Variants in PSAT1 observed in about 807,000 individuals in gnomAD.
PSAT1 encodes the protein phosphoserine aminotransferase 1.
In PSAT1, 41 loss-of-function variants were observed where a neutral mutation model predicts 40.3. The observed-to-expected ratio is 1.02, with a 90% CI of 0.79 to 1.32. The LOEUF (loss-of-function observed/expected upper bound fraction) is 1.32. PSAT1 is among the 40% of genes most tolerant of loss of function. The pLI is 0.00. For missense variants in PSAT1, 406 were observed against 455.8 expected (o/e 0.89, Z 0.99); for synonymous variants, 147 against 170.5 (o/e 0.86, Z 1.07).
intron 5 of PSAT1, among the ~76,000 whole-genome samples, chr9:78,307,194 CCT>C (rs1828196886): frequency 6.6e-6 from 1 of 152,168 alleles, no homozygotes; most frequent in Admixed American, 6.5e-5. Context: ...ACACTAACTC[CCT>C]CTCTCCCCAC....
In PSAT1 at chr9:78,308,669, T is replaced by C. The variant is rs375384058; in HGVS notation, c.740+86T>C. ...GGAGGTTACATTTTAAAATAAAACA[T>C]GTAAGCCTGGGCGCGGTGGCTCACA... On this transcript the variant is annotated intron_variant, in intron 6 of 8. Transcript: ENST00000376588. The C allele has an allele frequency of 2.1e-5, 32 of 1,529,930 alleles. No individual in the cohort carries two copies. The East Asian group carries it at 2.3e-4, about 11-fold the overall frequency. 94.8% of individuals were successfully genotyped at this position (1,529,930 alleles called of 1,614,324 possible). A position where few individuals can be genotyped will look rare whatever the true frequency, so the allele number is the denominator to read the frequency against.
At chr9:78,325,562 C>T (rs561687872) in intron 7 of PSAT1, among the ~76,000 whole-genome samples, 4 of 152,342 alleles carry the variant, frequency 2.6e-5, no homozygotes, top group African/African-American at 7.2e-5. Context: ...GGAACCATGC[C>T]TTGTCCCCTC....
At chr9:78,324,023 G>A (rs1330313797) in intron 7 of PSAT1, among the ~76,000 whole-genome samples, 2 of 152,090 alleles carry the variant, frequency 1.3e-5, no homozygotes, top group East Asian at 3.9e-4. Flanking sequence ...TGGGATGGGT[G>A]TCCCTGGCTG....
intron 4 of PSAT1, among the ~76,000 whole-genome samples, 196 bp from the exon 5 acceptor site, chr9:78,306,118 G>A (rs999904687): frequency 2.0e-5 from 3 of 152,172 alleles, no homozygotes; most frequent in Admixed American, 1.3e-4. Flanking sequence ...AGGTTGGATC[G>A]CTCATCCTCT....
At chr9:78,300,732 T>TA in intron 2 of PSAT1, 70 bp downstream of exon 2, 1 of 1,391,090 alleles carries the variant, frequency 7.2e-7, no homozygotes, top group Admixed American at 2.7e-5. Context: ...TTTTTTTTTT[T>TA]AGAGGCAGGG....
Position 78,301,885 on chromosome 9 carries a change from G to A in PSAT1, c.122-69G>A, listed in dbSNP as rs114600252. ...GTATTGTTGTTTACTTGCAAATTTC[G>A]TAGGTATTTCTGTTCATTTGGTTTT... On this transcript the variant is annotated intron_variant, in intron 2 of 8. Coordinates refer to ENST00000376588, the MANE Select transcript of PSAT1 (RefSeq NM_058179.4). 3,471 of 1,222,348 alleles carry A rather than the reference G, an allele frequency of 2.8e-3. 61 individuals are homozygous for A. The African/African-American group carries it at 0.041, about 14-fold the overall frequency. The allele number at this position is 1,222,348 out of a possible 1,614,324, so 75.7% of individuals were successfully genotyped here.
chr9:78,312,304 A>G (rs1243558642), intron 6 of PSAT1, among the ~76,000 whole-genome samples: 1 of 152,192 alleles, frequency 6.6e-6, no homozygotes, highest in Non-Finnish European at 1.5e-5. Flanking sequence ...TGACTAACTG[A>G]ATACACAAGC....
intron 6 of PSAT1, among the ~76,000 whole-genome samples, chr9:78,315,489 T>G (rs1047992465): frequency 4.4e-4 from 67 of 152,246 alleles, no homozygotes; most frequent in African/African-American, 1.6e-3. Flanking sequence ...TCCCTCTGAC[T>G]TCTTGGACGT....
chr9:78,303,734 C>T (rs184559062), intron 3 of PSAT1, among the ~76,000 whole-genome samples: 1 of 152,302 alleles, frequency 6.6e-6, no homozygotes, highest in African/African-American at 2.4e-5. Context: ...GATATTTACA[C>T]TCCTACCACC....
chr9:78,329,510 G>C lies in PSAT1; in HGVS notation c.*424G>C. On this transcript the variant is annotated 3_prime_UTR_variant, in exon 9 of 9. Coordinates refer to ENST00000376588, the MANE Select transcript of PSAT1 (RefSeq NM_058179.4). ...TCTGTGGGGTCTCCTGGGTTCAGCG[G>C]CTGTTGATTCAAGGTCAACATTGAC... The C allele has an allele frequency of 4.3e-6, 1 of 235,082 alleles. No individual in the cohort carries two copies. The highest frequency in any genetic ancestry group is 1.1e-4 in the East Asian group (1 of 8,790). The allele number at this position is 235,082 out of a possible 1,614,324, so 14.6% of individuals were successfully genotyped here. A position where few individuals can be genotyped will look rare whatever the true frequency, so the allele number is the denominator to read the frequency against.
chr9:78,309,536 T>C (rs1280573592), intron 6 of PSAT1, among the ~76,000 whole-genome samples: 1 of 152,228 alleles, frequency 6.6e-6, no homozygotes, highest in Non-Finnish European at 1.5e-5. Context: ...CTAATTTTTG[T>C]ATTTTTAGTA....
chr9:78,316,047 T>C (rs1828338664), intron 6 of PSAT1, among the ~76,000 whole-genome samples: 1 of 152,230 alleles, frequency 6.6e-6, no homozygotes, highest in African/African-American at 2.4e-5. Flanking sequence ...CCTCTCCTCC[T>C]GTGCCCTGAG....
At position 78,329,118 on chromosome 9, in the gene PSAT1, G is replaced by C; in HGVS notation, c.*32G>C. On this transcript the variant is annotated 3_prime_UTR_variant, in exon 9 of 9. Coordinates refer to ENST00000376588, the MANE Select transcript of PSAT1 (RefSeq NM_058179.4). ...CCTAACCAGGATATACTCTGTTCTT[G>C]AACAACATACAAAGTTTAAAGTAAC... is the stretch of plus-strand genomic sequence containing the variant. The C allele has an allele frequency of 6.8e-7, 1 of 1,470,670 alleles. No homozygotes were observed. Among genetic ancestry groups the C allele is most frequent in the Non-Finnish European group, 9.5e-7 (1 of 1,051,178 alleles). The allele number at this position is 1,470,670 out of a possible 1,614,324, so 91.1% of individuals were successfully genotyped here.
chr9:78,300,660 T>C lies in PSAT1; in HGVS notation c.119T>C (p.Leu40Pro). 1.2e-6 allele frequency: 2 copies of C among 1,606,580 alleles called. No homozygotes were observed. Among genetic ancestry groups the C allele is most frequent in the African/African-American group, 1.3e-5 (1 of 74,540 alleles). The change falls in exon 2 of 9, where the codon CTT (leucine) becomes CCT (proline). Residue 40 changes from leucine to proline, a missense_variant and splice_region_variant. Coordinates refer to ENST00000376588, the MANE Select transcript of PSAT1 (RefSeq NM_058179.4). The part of the protein sequence containing the change: ...LDYKGVGISV[L>P]EMSHRSSDFA... Reference sequence around the variant, plus strand: ...TACAAAGGAGTTGGCATTAGTGTTCTTGGTAAGATTTACTTTTGAATTCTG... The same window carrying C: ...TACAAAGGAGTTGGCATTAGTGTTCCTGGTAAGATTTACTTTTGAATTCTG...
chr9:78,323,702 G>A (rs1002621486), intron 7 of PSAT1, among the ~76,000 whole-genome samples: 1 of 152,138 alleles, frequency 6.6e-6, no homozygotes, highest in Non-Finnish European at 1.5e-5. Context: ...ATGATCTTCA[G>A]GAATGCACAG....
chr9:78,307,119 T>A (rs1828195848), intron 5 of PSAT1, among the ~76,000 whole-genome samples: 1 of 152,226 alleles, frequency 6.6e-6, no homozygotes, highest in African/African-American at 2.4e-5. Context: ...CACATTGTTG[T>A]GCAGGCATCA....
chr9:78,310,180 C>T (rs185255599), intron 6 of PSAT1, among the ~76,000 whole-genome samples: 6 of 152,214 alleles, frequency 3.9e-5, no homozygotes, highest in Non-Finnish European at 7.4e-5. Context: ...TGTGTATGAC[C>T]GTTTAATCCT....
intron 7 of PSAT1, among the ~76,000 whole-genome samples, chr9:78,322,453 C>T (rs1458684771): frequency 2.0e-5 from 3 of 152,172 alleles, no homozygotes; most frequent in Non-Finnish European, 2.9e-5. Context: ...GTGGAAGGCT[C>T]ATTCCAGAAC....
intron 4 of PSAT1, among the ~76,000 whole-genome samples, chr9:78,306,110 G>T (rs1828177662): frequency 6.6e-6 from 1 of 152,172 alleles, no homozygotes; most frequent in African/African-American, 2.4e-5. Flanking sequence ...AAGTCGAAAG[G>T]TTGGATCGCT....
Sources: gnomAD v4.1 joint callset for allele counts (sites outside exome capture counted in the v4.1 genomes callset) on GRCh38, gnomAD v4.1.1 for gene constraint, MANE v1.5 for transcripts, NCBI Gene and HGNC (gene_info 2026-07-23, HGNC 2026-07-21) for gene names.